The following HORMAD1 variants were observed in gnomAD, a reference collection of about 807,000 sequenced individuals.
HORMAD1 encodes HORMA domain-containing protein 1.
In HORMAD1, 33 loss-of-function variants were observed where a neutral mutation model predicts 58.2. The ratio of observed to expected loss-of-function variants is 0.57; its 90% CI spans 0.43 to 0.76. The LOEUF (loss-of-function observed/expected upper bound fraction) is 0.76, where lower values mean the gene tolerates loss of function less well. Ranked by LOEUF, HORMAD1 falls within the 30% of genes least tolerant of loss-of-function variation. The pLI is 0.00. For synonymous variants in HORMAD1, 137 were observed against 144.6 expected, an observed-to-expected ratio of 0.95 and a Z score of 0.38; for missense variants, 363 against 462.0, an observed-to-expected ratio of 0.79 and a Z score of 1.96.
In HORMAD1 at chr1:150,708,229, T is replaced by G. The variant is rs1373592183; in HGVS notation, c.547+27A>C. On this transcript the variant is annotated intron_variant, in intron 9 of 14. Transcript: ENST00000361824. ...ATAATGATAAAACATATGTACCAAC[T>G]GAAACAGGATGTATTGCAAATAGTA... The G allele has an allele frequency of 2.6e-6, 4 of 1,519,334 alleles. No homozygotes were observed. In the African/African-American group the frequency reaches 5.6e-5, roughly 21 times the overall value. The allele number at this position is 1,519,334 out of a possible 1,614,324, so 94.1% of individuals were successfully genotyped here. A position where few individuals can be genotyped will look rare whatever the true frequency, so the allele number is the denominator to read the frequency against.
At chr1:150,709,216 T>TA (rs1651785916) in intron 7 of HORMAD1, among the ~76,000 whole-genome samples, 3 of 152,210 alleles carry the variant, frequency 2.0e-5, no homozygotes, top group Admixed American at 6.5e-5. Context: ...ATCAGACTGT[T>TA]ACTGTGTCTA....
intron 10 of HORMAD1, 38 bp from the exon 11 acceptor site, chr1:150,704,381 A>G (rs755742023): frequency 1.5e-6 from 2 of 1,309,352 alleles, no homozygotes; most frequent in African/African-American, 1.5e-5. Flanking sequence ...GACACATTTC[A>G]AAAAGGAACT....
chr1:150,710,900 G>A (rs1441683143), intron 7 of HORMAD1, among the ~76,000 whole-genome samples: 1 of 152,140 alleles, frequency 6.6e-6, no homozygotes, highest in Non-Finnish European at 1.5e-5. Flanking sequence ...CAAAAACCTG[G>A]TTCTGCCACT....
intron 2 of HORMAD1, 27 bp downstream of exon 2, chr1:150,719,446 G>A (rs1363645764): frequency 6.9e-7 from 1 of 1,443,466 alleles, no homozygotes; most frequent in Middle Eastern, 1.7e-4. Flanking sequence ...CTATTATTAA[G>A]ATATACCAAA....
chr1:150,701,992 A>T (rs1651551483), intron 13 of HORMAD1: 1 of 152,210 alleles, frequency 6.6e-6, no homozygotes, highest in South Asian at 2.1e-4. Flanking sequence ...CAGAGAACCT[A>T]CAGAATGGGA....
chr1:150,710,807 T>A (rs1025762998), intron 7 of HORMAD1, among the ~76,000 whole-genome samples: 1 of 152,208 alleles, frequency 6.6e-6, no homozygotes, highest in Non-Finnish European at 1.5e-5. Flanking sequence ...AATCTACCTC[T>A]CCTTGACTGA....
At chr1:150,717,379 C>G in intron 2 of HORMAD1, 97 bp from the exon 3 acceptor site, 1 of 690,552 alleles carries the variant, frequency 1.4e-6, no homozygotes, top group East Asian at 3.2e-5. Flanking sequence ...AATCATAGTA[C>G]TCACCCCAAG....
Position 150,718,649 on chromosome 1 carries a change from C to T in HORMAD1, c.33+824G>A, listed in dbSNP as rs183094180. Among the ~76,000 whole-genome samples the T allele has an allele frequency of 1.0e-3, 158 of 151,988 alleles. 3 individuals are homozygous for T. Among genetic ancestry groups the T allele is most frequent in the Admixed American group, 7.0e-3 (106 of 15,234 alleles). On this transcript the variant is annotated intron_variant, in intron 2 of 14. Transcript: ENST00000361824. ...ACATTCATTTTCTTTCTTTTTGAGACGGAGTCTCACTGTTACCCAGGCTGG... is the reference window on the plus strand; with the variant it reads ...ACATTCATTTTCTTTCTTTTTGAGATGGAGTCTCACTGTTACCCAGGCTGG...
In HORMAD1 at chr1:150,708,395, G is replaced by A. The variant is rs775969687; in HGVS notation, c.408C>T (p.Ser136=). The change falls in exon 9 of 15, where the codon AGC becomes AGT. Residue 136 remains serine, a synonymous_variant. Transcript: ENST00000361824. ...PLMDFISKNQ[S]NESSMLSTDT... Reference sequence around the variant, plus strand: ...CAGTAGACAACATGCTAGATTCGTTGCTTTGGTTTTTACTAGAAGAGAATC... The same window carrying A: ...CAGTAGACAACATGCTAGATTCGTTACTTTGGTTTTTACTAGAAGAGAATC... 51 of 1,592,514 alleles carry A rather than the reference G, an allele frequency of 3.2e-5. No homozygotes were observed. The South Asian group carries it at 3.8e-4, about 12-fold the overall frequency.
chr1:150,716,856 G>A (rs1470763708), intron 3 of HORMAD1, among the ~76,000 whole-genome samples: 1 of 151,060 alleles, frequency 6.6e-6, no homozygotes, highest in Admixed American at 6.6e-5. Context: ...CCAGCTACTC[G>A]TGAGGCTGAA....
At chr1:150,698,877 C>A in intron 14 of HORMAD1, 143 bp from the exon 15 acceptor site, 1 of 502,316 alleles carries the variant, frequency 2.0e-6, no homozygotes, top group South Asian at 3.6e-5. Flanking sequence ...ATCTGGGTTT[C>A]TTAAAAGTAG....
intron 3 of HORMAD1, among the ~76,000 whole-genome samples, chr1:150,715,122 T>C (rs1479117372): frequency 6.6e-6 from 1 of 152,106 alleles, no homozygotes; most frequent in African/African-American, 2.4e-5. Context: ...ATATTATTAA[T>C]GTAATTAAAG....
At chr1:150,709,473 T>C (rs1392123570) in intron 7 of HORMAD1, among the ~76,000 whole-genome samples, 2 of 152,208 alleles carry the variant, frequency 1.3e-5, no homozygotes, top group African/African-American at 4.8e-5. Flanking sequence ...GTCATCGCCA[T>C]TCTCTAGTCT....
intron 14 of HORMAD1, among the ~76,000 whole-genome samples, chr1:150,699,333 T>A (rs970322153): frequency 5.3e-5 from 8 of 152,226 alleles, no homozygotes; most frequent in Non-Finnish European, 1.0e-4. Flanking sequence ...TCTCCAGAGG[T>A]ACTAGGAGGA....
At chr1:150,714,013 C>T in intron 5 of HORMAD1, 72 bp downstream of exon 5, 2 of 951,048 alleles carry the variant, frequency 2.1e-6, no homozygotes, top group South Asian at 2.9e-5. Context: ...TGTTTTACTA[C>T]ATCATAACTC....
chr1:150,706,480 G>A (rs183012588), intron 10 of HORMAD1, 73 bp downstream of exon 10: 86 of 1,192,656 alleles, frequency 7.2e-5, no homozygotes, highest in Admixed American at 1.9e-4. Flanking sequence ...GTTAATGGGA[G>A]CTATGAAAAA....
intron 12 of HORMAD1, 93 bp downstream of exon 12, chr1:150,704,025 C>T: frequency 1.3e-6 from 1 of 756,786 alleles, no homozygotes; most frequent in Non-Finnish European, 2.1e-6. Flanking sequence ...TCTAAAAGAC[C>T]TGGAATAAGA....
intron 2 of HORMAD1, 25 bp from the exon 3 acceptor site, chr1:150,717,307 A>T (rs1652110708): frequency 1.4e-6 from 2 of 1,399,696 alleles, no homozygotes; most frequent in Non-Finnish European, 1.9e-6. Flanking sequence ...AAAGTAGAAC[A>T]CTTTATTTAA....
chr1:150,716,946 C>A (rs1652098671), intron 3 of HORMAD1, among the ~76,000 whole-genome samples, 192 bp downstream of exon 3: 1 of 136,382 alleles, frequency 7.3e-6, no homozygotes. Flanking sequence ...CCGGGCGAGA[C>A]CCCGTCTCAA....
Sources: gnomAD v4.1 joint callset for allele counts (sites outside exome capture counted in the v4.1 genomes callset) on GRCh38, gnomAD v4.1.1 for gene constraint, MANE v1.5 for transcripts, NCBI Gene and HGNC (gene_info 2026-07-23, HGNC 2026-07-21) for gene names.